The following ENPP3 variants were observed in gnomAD, a reference collection of about 807,000 sequenced individuals.
The protein encoded by ENPP3 is ectonucleotide pyrophosphatase/phosphodiesterase family member 3.
In ENPP3, 104 loss-of-function variants were observed where a neutral mutation model predicts 117.8. That is an observed-to-expected ratio of 0.88 (90% CI 0.75 to 1.04). ENPP3 has a LOEUF of 1.04. ENPP3 is among the 50% of genes least tolerant of loss of function. The pLI is 0.00. For missense variants in ENPP3, 1,026 were observed against 1,051.9 expected, an observed-to-expected ratio of 0.98 and a Z score of 0.34; for synonymous variants, 380 against 349.9, an observed-to-expected ratio of 1.09 and a Z score of -0.96.
intron 15 of ENPP3, among the ~76,000 whole-genome samples, 161 bp from the exon 16 acceptor site, chr6:131,718,511 T>C (rs184486505): frequency 6.6e-6 from 1 of 152,154 alleles, no homozygotes; most frequent in East Asian, 1.9e-4. Flanking sequence ...ATTATTGATA[T>C]AAAAATTTAT....
At chr6:131,715,741 G>A (rs1317240219) in intron 15 of ENPP3, among the ~76,000 whole-genome samples, 12 of 152,290 alleles carry the variant, frequency 7.9e-5, no homozygotes, top group Non-Finnish European at 1.2e-4. Context: ...CAACTTCCAC[G>A]CCGAGGCACG....
chr6:131,674,335 C>G, intron 8 of ENPP3, 54 bp downstream of exon 8: 1 of 1,558,120 alleles, frequency 6.4e-7, no homozygotes, highest in Non-Finnish European at 8.9e-7. Context: ...CTCAGTGTGA[C>G]AGGAGGACAC....
intron 15 of ENPP3, among the ~76,000 whole-genome samples, chr6:131,718,443 C>G (rs1377096475): frequency 6.6e-6 from 1 of 151,592 alleles, no homozygotes; most frequent in East Asian, 1.9e-4. Context: ...TCTCTCGTAC[C>G]CTTCTGTTTG....
rs925353948 is a variant in ENPP3 at position 131,663,126 on chromosome 6, G to T, written c.562+4706G>T. Among the ~76,000 whole-genome samples the T allele has an allele frequency of 2.7e-5, 4 of 148,938 alleles. No individual in the cohort carries two copies. The East Asian group carries it at 7.8e-4, about 29-fold the overall frequency. ...TCATGTCTTCTGAAAATAGGGACAG[G>T]TTTACTTCTTTCTTTCCTATGTGGT... On this transcript the variant is annotated intron_variant, in intron 6 of 24. Coordinates refer to ENST00000357639, the MANE Select transcript of ENPP3 (RefSeq NM_005021.5).
chr6:131,678,966 C>T (rs13216803), intron 11 of ENPP3, among the ~76,000 whole-genome samples: 2,167 of 42,914 alleles, frequency 0.05, 36 homozygotes, highest in African/African-American at 0.13. Context: ...TCTTTCCTTC[C>T]TTCCTTCCTT....
chr6:131,676,428 T>G (rs759357325), intron 9 of ENPP3, among the ~76,000 whole-genome samples: 6 of 152,198 alleles, frequency 3.9e-5, no homozygotes, highest in African/African-American at 9.6e-5. Flanking sequence ...ATGTTCAATA[T>G]ATGCATATGC....
chr6:131,716,639 A>G (rs1779894117), intron 15 of ENPP3, among the ~76,000 whole-genome samples: 1 of 64,772 alleles, frequency 1.5e-5, no homozygotes, highest in Non-Finnish European at 3.3e-5. Flanking sequence ...CCAAATATCT[A>G]TGCAGTAAGA....
chr6:131,740,621 G>A (rs551302560), intron 24 of ENPP3, among the ~76,000 whole-genome samples: 248 of 151,974 alleles, frequency 1.6e-3, no homozygotes, highest in Middle Eastern at 0.01. Context: ...ATTTATATAC[G>A]TTTTATTCAC....
rs138568811 is a variant in ENPP3, at chr6:131,735,685, CTA to C, written c.2090-1666_2090-1665del. On this transcript the variant is annotated intron_variant, in intron 21 of 24. Transcript: ENST00000357639. ...AAATTCATATAAGTGGAATTGTGCACTATATGTGTTTCTGTGACTGCCTTATT... is the reference window on the plus strand; with the variant it reads ...AAATTCATATAAGTGGAATTGTGCACTATGTGTTTCTGTGACTGCCTTATT... Among the ~76,000 whole-genome samples, 528 of 152,208 alleles carry C rather than the reference CTA, an allele frequency of 3.5e-3. 6 individuals are homozygous for C. The highest frequency in any genetic ancestry group is 0.012 in the African/African-American group (508 of 41,532).
intron 14 of ENPP3, among the ~76,000 whole-genome samples, chr6:131,691,353 C>T (rs1480766161): frequency 6.6e-6 from 1 of 152,056 alleles, no homozygotes; most frequent in Non-Finnish European, 1.5e-5. Flanking sequence ...CTTTGGGAGG[C>T]CGAGGCGGGC....
chr6:131,692,328 T>C lies in ENPP3; in HGVS notation c.1285-1169T>C, dbSNP rs547897645. Among the ~76,000 whole-genome samples the C allele has an allele frequency of 2.6e-5, 4 of 152,132 alleles. No individual in the cohort carries two copies. In the South Asian group the frequency reaches 8.3e-4, roughly 32 times the overall value. On this transcript the variant is annotated intron_variant, in intron 14 of 24. Coordinates refer to ENST00000357639, the MANE Select transcript of ENPP3 (RefSeq NM_005021.5). ...GATTTGCATTTCTACAATTTTAAAA[T>C]ATGCCATACAGTCATAATTGTTAAA...
chr6:131,725,385 C>A (rs963625660), intron 19 of ENPP3, among the ~76,000 whole-genome samples: 3 of 152,106 alleles, frequency 2.0e-5, no homozygotes, highest in Non-Finnish European at 4.4e-5. Context: ...CTGATGATGG[C>A]CTGATTCCTC....
Position 131,726,170 on chromosome 6 carries a change from C to T in ENPP3, c.1923C>T (p.Pro641=). The T allele has an allele frequency of 5.0e-6, 8 of 1,613,920 alleles. No homozygotes were observed. The highest frequency in any genetic ancestry group is 6.8e-6 in the Non-Finnish European group (8 of 1,179,858). The stretch of plus-strand genomic sequence containing the variant: ...GATTTGGAAAAGCTATGAGGATGCC[C>T]ATGTGGAGTTCATACACAGTCCCCC... ...VSGFGKAMRM[P]MWSSYTVPQL... The change falls in exon 20 of 25, where the codon CCC becomes CCT. Residue 641 remains proline (P), a synonymous_variant. Transcript: ENST00000357639.
At position 131,639,246 on chromosome 6, in the gene ENPP3, A is replaced by AATATAT. The variant is rs143487852; in HGVS notation, c.78+1799_78+1804dup. On this transcript the variant is annotated intron_variant, in intron 1 of 24. Transcript: ENST00000357639. The stretch of plus-strand genomic sequence containing the variant: ...GAGTGCTCTTTATAGCTCTTATGCT[A>AATATAT]ATATATATATATATATATATTTTTT... Among the ~76,000 whole-genome samples, 113 of 126,272 alleles carry AATATAT rather than the reference A, an allele frequency of 8.9e-4. 2 individuals carry two copies. The highest frequency in any genetic ancestry group is 6.5e-3 in the East Asian group (27 of 4,162). The allele number at this position is 126,272 out of a possible 152,430, so 82.8% of individuals were successfully genotyped here.
chr6:131,645,802 T>C (rs567817327), intron 2 of ENPP3, among the ~76,000 whole-genome samples: 123 of 152,308 alleles, frequency 8.1e-4, no homozygotes, highest in African/African-American at 2.9e-3. Context: ...TGATCCTTTG[T>C]AGGTTGCTCA....
chr6:131,699,099 G>A (rs1224904685), intron 15 of ENPP3, among the ~76,000 whole-genome samples: 1 of 149,344 alleles, frequency 6.7e-6, no homozygotes, highest in Non-Finnish European at 1.5e-5. Context: ...TTAGCTATGC[G>A]TGGTGGCACA....
rs747144335 is a variant in ENPP3 at position 131,693,544 on chromosome 6, G to A, written c.1332G>A (p.Leu444=). ...TCAAGCCCTATTTGACTCCTGATTT[G>A]CCAAAGCGACTGCACTATGCCAAGA... The part of the protein sequence containing the change: ...QHFKPYLTPD[L]PKRLHYAKNV... The change falls in exon 15 of 25, where the codon TTG becomes TTA. Residue 444 remains leucine (L), a synonymous_variant. Coordinates refer to ENST00000357639, the MANE Select transcript of ENPP3 (RefSeq NM_005021.5). The A allele has an allele frequency of 6.3e-5, 102 of 1,613,382 alleles. No homozygotes were observed. The South Asian group carries it at 1.0e-3, about 16-fold the overall frequency.
rs1450664724 is a variant in ENPP3, at chr6:131,720,371, T to C, written c.1559T>C (p.Leu520Pro). ...TTTGAAAATATTGAAGTCTATAACC[T>C]AATGTGTGGTAAGTATATTTAAATA... ...EPFENIEVYN[L>P]MCDLLRIQPA... The change falls in exon 17 of 25, where the codon CTA becomes CCA. Residue 520 changes from leucine to proline, a missense_variant. Physicochemically the swap from Leu to Pro is moderately conservative, Grantham distance 98 (BLOSUM62 -3). Transcript: ENST00000357639. The C allele has an allele frequency of 6.6e-7, 1 of 1,504,666 alleles. No individual in the cohort carries two copies. The highest frequency in any genetic ancestry group is 1.9e-5 in the Admixed American group (1 of 53,964). 93.2% of individuals were successfully genotyped at this position (1,504,666 alleles called of 1,614,324 possible). A position where few individuals can be genotyped will look rare whatever the true frequency, so the allele number is the denominator to read the frequency against.
chr6:131,724,158 T>A, intron 19 of ENPP3, 67 bp downstream of exon 19: 1 of 1,064,876 alleles, frequency 9.4e-7, no homozygotes. Context: ...GTGGCCCTTT[T>A]AGGACTCTCC....
Sources: gnomAD v4.1 joint callset for allele counts (sites outside exome capture counted in the v4.1 genomes callset) on GRCh38, gnomAD v4.1.1 for gene constraint, MANE v1.5 for transcripts, NCBI Gene and HGNC (gene_info 2026-07-23, HGNC 2026-07-21) for gene names.